Variants in PLPP7 observed in about 807,000 individuals in gnomAD.
The protein encoded by PLPP7 is inactive phospholipid phosphatase 7.
A neutral mutation model predicts 16.9 loss-of-function variants in PLPP7; 11 were observed. The ratio of observed to expected loss-of-function variants is 0.65; its 90% CI spans 0.41 to 1.08. The LOEUF (loss-of-function observed/expected upper bound fraction) is 1.08, where lower values mean the gene tolerates loss of function less well. PLPP7 is among the 50% of genes least tolerant of loss of function. The probability of loss-of-function intolerance (pLI) is 0.00; values close to 1 mark genes in which losing one functional copy is unlikely to be tolerated. For missense variants in PLPP7, 358 were observed against 397.1 expected (o/e 0.90, Z 0.84); for synonymous variants, 174 against 175.1 (o/e 0.99, Z 0.05).
chr9:131,295,918 G>A lies in PLPP7; in HGVS notation c.451+5470G>A, dbSNP rs907719376. ...CCATTCGTGCACCCATGGACACTTC[G>A]GTTGCTTCCACATTTTAGCTGTTCT... On this transcript the variant is annotated intron_variant, in intron 1 of 1. Transcript: ENST00000372264. The surrounding 1 kb of genome is among the most constrained non-coding windows in gnomAD (Gnocchi z 4.0). 5.3e-5 allele frequency among the ~76,000 whole-genome samples: 8 copies of A among 152,150 alleles called. No individual in the cohort carries two copies. Among genetic ancestry groups the A allele is most frequent in the African/African-American group, 1.7e-4 (7 of 41,422 alleles).
intron 1 of PLPP7, among the ~76,000 whole-genome samples, chr9:131,307,150 G>A (rs1033201874): frequency 1.3e-5 from 2 of 151,320 alleles, no homozygotes; most frequent in Non-Finnish European, 2.9e-5. Flanking sequence ...GGAGGCTGAA[G>A]TATGAGAATT....
intron 1 of PLPP7, among the ~76,000 whole-genome samples, chr9:131,299,830 A>G (rs1835776375): frequency 6.6e-6 from 1 of 152,206 alleles, no homozygotes; most frequent in Non-Finnish European, 1.5e-5. Flanking sequence ...GCGGTGCCCA[A>G]GAAAGGGTGG....
In PLPP7 at chr9:131,308,109, C is replaced by T. The variant is rs1242949386; in HGVS notation, c.638C>T (p.Pro213Leu). Residue 213 changes from proline (P) to leucine (L), a missense_variant, in exon 2 of 2, where the codon CCC (proline) becomes CTC (leucine). By Grantham distance (98) the Pro-to-Leu change is moderately conservative. Coordinates refer to ENST00000372264, the MANE Select transcript of PLPP7 (RefSeq NM_032728.4). ...CTCAGCCACCTGGTGCTGGCGGTGC[C>T]CCTGCGTGTGCTGCTGGTGCTCTGG... ...FFLSHLVLAV[P>L]LRVLLVLWAL... 1 of 1,601,372 alleles carries T rather than the reference C, an allele frequency of 6.2e-7. No individual in the cohort carries two copies. The highest frequency in any genetic ancestry group is 8.5e-7 in the Non-Finnish European group (1 of 1,179,776).
Position 131,291,184 on chromosome 9 carries a change from T to C in PLPP7, c.451+736T>C, listed in dbSNP as rs987965074. The C allele has an allele frequency of 6.6e-6, 9 of 1,364,900 alleles. No individual in the cohort carries two copies. The African/African-American group carries it at 1.2e-4, about 18-fold the overall frequency. The allele number at this position is 1,364,900 out of a possible 1,614,324, so 84.5% of individuals were successfully genotyped here. A position where few individuals can be genotyped will look rare whatever the true frequency, so the allele number is the denominator to read the frequency against. On this transcript the variant is annotated intron_variant, in intron 1 of 1. Transcript: ENST00000372264. ...AGCCATTCCCTCCACCCAGAGGTGA[T>C]GCCCAGCCCCCGTCCGGCCCACCCT...
rs766824356 is a variant in PLPP7, at chr9:131,308,200, C to T, written c.729C>T (p.Gly243=). Residue 243 remains glycine (G), a synonymous_variant, in exon 2 of 2, where the codon GGC becomes GGT. Coordinates refer to ENST00000372264, the MANE Select transcript of PLPP7 (RefSeq NM_032728.4). The part of the protein sequence containing the change: ...GRHHVTDVLS[G]FVIGYLQFRL... ...ACCACGTCACGGACGTCCTCTCCGG[C>T]TTTGTCATCGGCTACCTCCAGTTCC... 7 of 1,599,852 alleles carry T rather than the reference C, an allele frequency of 4.4e-6. No homozygotes were observed. In the African/African-American group the frequency reaches 8.0e-5, roughly 18 times the overall value.
Position 131,309,159 on chromosome 9 carries a change from T to G in PLPP7, c.*872T>G, listed in dbSNP as rs902383303. ...ACCGCCCGTGGGCATCGATGAGGCT[T>G]TGGCCCCCAGGGGCCGGACTCCGTG... On this transcript the variant is annotated 3_prime_UTR_variant, in exon 2 of 2. Coordinates refer to ENST00000372264, the MANE Select transcript of PLPP7 (RefSeq NM_032728.4). 2 of 152,678 alleles carry G rather than the reference T, an allele frequency of 1.3e-5. No homozygotes were observed. The highest frequency in any genetic ancestry group is 4.8e-5 in the African/African-American group (2 of 41,466). 9.5% of individuals were successfully genotyped at this position (152,678 alleles called of 1,614,324 possible).
chr9:131,296,428 T>A (rs1835735374), intron 1 of PLPP7, among the ~76,000 whole-genome samples: 1 of 152,152 alleles, frequency 6.6e-6, no homozygotes, highest in Non-Finnish European at 1.5e-5. Flanking sequence ...CATGCCTGGC[T>A]AATTTTTCAG....
intron 1 of PLPP7, among the ~76,000 whole-genome samples, chr9:131,296,980 C>T (rs975038421): frequency 6.6e-6 from 1 of 152,238 alleles, no homozygotes; most frequent in African/African-American, 2.4e-5. Flanking sequence ...CTCAGATACC[C>T]TCCTGTGGGA....
At chr9:131,307,885 G>A in intron 1 of PLPP7, 38 bp from the exon 2 acceptor site, 1 of 1,525,092 alleles carries the variant, frequency 6.6e-7, no homozygotes, top group South Asian at 1.3e-5. Context: ...CTGGCTGGTG[G>A]CCCTGATGGC....
At position 131,308,349 on chromosome 9, in the gene PLPP7, G is replaced by A. The variant is rs1835880024; in HGVS notation, c.*62G>A. Reference sequence around the variant, plus strand: ...GCTGGCCCTAGAGAAGGGGCAGGGGGTGGCGAGGTGGCGGGCGTGGGTGGA... The same window carrying A: ...GCTGGCCCTAGAGAAGGGGCAGGGGATGGCGAGGTGGCGGGCGTGGGTGGA... On this transcript the variant is annotated 3_prime_UTR_variant, in exon 2 of 2. Coordinates refer to ENST00000372264, the MANE Select transcript of PLPP7 (RefSeq NM_032728.4). The A allele has an allele frequency of 1.0e-5, 15 of 1,493,070 alleles. No homozygotes were observed. In the South Asian group the frequency reaches 1.7e-4, roughly 17 times the overall value. 92.5% of individuals were successfully genotyped at this position (1,493,070 alleles called of 1,614,324 possible).
In PLPP7 at chr9:131,309,003, C is replaced by G. The variant is rs1835888997; in HGVS notation, c.*716C>G. 6.6e-6 allele frequency: 1 copy of G among 152,378 alleles called. No individual in the cohort carries two copies. Among genetic ancestry groups the G allele is most frequent in the African/African-American group, 2.4e-5 (1 of 41,458 alleles). The allele number at this position is 152,378 out of a possible 1,614,324, so 9.4% of individuals were successfully genotyped here. On this transcript the variant is annotated 3_prime_UTR_variant, in exon 2 of 2. Transcript: ENST00000372264. ...TTTTCTTGGGGAACAGCTATTAACC[C>G]CCAAGGAATTATTGGTTCCTCAAGT... is the stretch of plus-strand genomic sequence containing the variant.
At chr9:131,303,623 T>C (rs1229359934) in intron 1 of PLPP7, among the ~76,000 whole-genome samples, 1 of 152,116 alleles carries the variant, frequency 6.6e-6, no homozygotes, top group East Asian at 1.9e-4. Context: ...CCCACCTTTA[T>C]CCAGCCCTCC....
At chr9:131,291,664 C>A (rs1009492763) in intron 1 of PLPP7, among the ~76,000 whole-genome samples, 4 of 151,746 alleles carry the variant, frequency 2.6e-5, no homozygotes, top group African/African-American at 9.7e-5. Context: ...TCACTACAAC[C>A]TCCGCCTCCC....
At chr9:131,291,246 C>T in intron 1 of PLPP7, 2 of 1,340,942 alleles carry the variant, frequency 1.5e-6, no homozygotes, top group Non-Finnish European at 2.0e-6. Flanking sequence ...CCCCAGGAAG[C>T]TTCCACCCTC....
At chr9:131,293,518 C>T (rs572146572) in intron 1 of PLPP7, among the ~76,000 whole-genome samples, 18 of 152,226 alleles carry the variant, frequency 1.2e-4, no homozygotes, top group African/African-American at 4.1e-4. Context: ...CAGCTCTGGT[C>T]TGACCTGCCA....
intron 1 of PLPP7, among the ~76,000 whole-genome samples, chr9:131,301,588 G>A (rs375161558): frequency 6.6e-6 from 1 of 152,148 alleles, no homozygotes; most frequent in Non-Finnish European, 1.5e-5. Flanking sequence ...TGGGACCTTA[G>A]GAAAAAAAGC....
chr9:131,293,423 G>C (rs4740429), intron 1 of PLPP7, among the ~76,000 whole-genome samples: 53,762 of 152,032 alleles, frequency 0.35, 9,879 homozygotes, highest in East Asian at 0.51. Flanking sequence ...TGGGGACCCC[G>C]AGGTCACTCT....
intron 1 of PLPP7, chr9:131,292,714 C>T (rs1261748362): frequency 2.3e-5 from 19 of 829,632 alleles, no homozygotes; most frequent in African/African-American, 1.3e-4. Context: ...GTGAGCTCCC[C>T]GTGGTAGGAG....
intron 1 of PLPP7, among the ~76,000 whole-genome samples, chr9:131,294,114 C>T (rs1157967122): frequency 4.6e-5 from 7 of 152,156 alleles, no homozygotes; most frequent in African/African-American, 1.7e-4. Flanking sequence ...CCTGCTTGCC[C>T]CTCTCCTAGT....
Sources: gnomAD v4.1 joint callset for allele counts (sites outside exome capture counted in the v4.1 genomes callset) on GRCh38, gnomAD v4.1.1 for gene constraint, Gnocchi (gnomAD v3.1) non-coding constraint, MANE v1.5 for transcripts, NCBI Gene and HGNC (gene_info 2026-07-23, HGNC 2026-07-21) for gene names.